Variants in CCDC18 observed in about 807,000 individuals in gnomAD.
CCDC18 encodes coiled-coil domain containing 18, also known as coiled-coil domain-containing protein 18.
In CCDC18, 157 loss-of-function variants were observed where a neutral mutation model predicts 196.0. The observed-to-expected ratio is 0.80, with a 90% CI of 0.70 to 0.91. The LOEUF (loss-of-function observed/expected upper bound fraction) is 0.91. Ranked by LOEUF, CCDC18 falls within the 40% of genes least tolerant of loss-of-function variation. CCDC18 has a pLI of 0.00. For missense variants in CCDC18, 1,465 were observed against 1,611.6 expected (o/e 0.91, Z 1.56); for synonymous variants, 482 against 529.2 (o/e 0.91, Z 1.22).
At chr1:93,202,961 G>T (rs760561963) in intron 7 of CCDC18, among the ~76,000 whole-genome samples, 1 of 152,218 alleles carries the variant, frequency 6.6e-6, no homozygotes, top group Non-Finnish European at 1.5e-5. Flanking sequence ...TGCTTGAGCT[G>T]CTAGGCTATC....
At chr1:93,250,730 CTT>C (rs1662124473) in intron 23 of CCDC18, among the ~76,000 whole-genome samples, 1 of 152,140 alleles carries the variant, frequency 6.6e-6, no homozygotes, top group South Asian at 2.1e-4. Context: ...TTCTTTGTCT[CTT>C]TCTACTGTCT....
chr1:93,233,397 CTTA>C (rs933132243), intron 18 of CCDC18, among the ~76,000 whole-genome samples: 1 of 152,032 alleles, frequency 6.6e-6, no homozygotes, highest in Admixed American at 6.6e-5. Context: ...ATTTTACATT[CTTA>C]TTTTGTTTTT....
intron 18 of CCDC18, among the ~76,000 whole-genome samples, chr1:93,232,936 A>C (rs1268278341): frequency 6.6e-6 from 1 of 151,904 alleles, no homozygotes; most frequent in African/African-American, 2.4e-5. Flanking sequence ...GTGCCCTTGC[A>C]CTCCAGCCTG....
chr1:93,192,458 G>A (rs1206395792), intron 5 of CCDC18, among the ~76,000 whole-genome samples: 1 of 152,120 alleles, frequency 6.6e-6, no homozygotes, highest in Non-Finnish European at 1.5e-5. Context: ...TTACAGAAAG[G>A]GTCTCACTGC....
chr1:93,237,027 T>C (rs1402297266), intron 19 of CCDC18, among the ~76,000 whole-genome samples: 2 of 152,178 alleles, frequency 1.3e-5, no homozygotes, highest in Non-Finnish European at 2.9e-5. Flanking sequence ...AGAATTGACA[T>C]AATTTATAAC....
intron 11 of CCDC18, among the ~76,000 whole-genome samples, chr1:93,213,089 A>C (rs1655923141): frequency 6.6e-6 from 1 of 152,116 alleles, no homozygotes. Flanking sequence ...ATCTGACAGG[A>C]GGTAGAGCTC....
intron 19 of CCDC18, among the ~76,000 whole-genome samples, chr1:93,237,984 G>A (rs970931892): frequency 6.6e-6 from 1 of 151,974 alleles, no homozygotes. Context: ...GGGTATCTCA[G>A]GGTTATCATT....
Position 93,245,822 on chromosome 1 carries a change from A to G in CCDC18, c.2982-283A>G, listed in dbSNP as rs77624874. On this transcript the variant is annotated intron_variant, in intron 21 of 28. Coordinates refer to ENST00000690025, the MANE Select transcript of CCDC18 (RefSeq NM_001378204.1). Reference sequence around the variant, plus strand: ...TTTTAAAAATTCTTATAATCATTCAATCTTGGAGTCCTGGGAGTGTTTTAG... The same window carrying G: ...TTTTAAAAATTCTTATAATCATTCAGTCTTGGAGTCCTGGGAGTGTTTTAG... 0.053 allele frequency among the ~76,000 whole-genome samples: 7,991 copies of G among 152,172 alleles called. 292 individuals carry two copies. Among genetic ancestry groups the G allele is most frequent in the South Asian group, 0.092 (442 of 4,828 alleles).
rs1665135497 is a variant in CCDC18, at chr1:93,270,458, C to G, written c.3997C>G (p.Gln1333Glu). 6.4e-7 allele frequency: 1 copy of G among 1,550,398 alleles called. No individual in the cohort carries two copies. Among genetic ancestry groups the G allele is most frequent in the Non-Finnish European group, 8.7e-7 (1 of 1,146,874 alleles). ...TCCAACAGAAATTATGCCTGATGTT[C>G]AAGATCCAAAATTTGCTAAATGTTT... ...TSPTEIMPDV[Q>E]DPKFAKCFHT... The change falls in exon 28 of 29, where the codon CAA becomes GAA. Residue 1333 changes from glutamine (Q) to glutamate (E), a missense_variant. Coordinates refer to ENST00000690025, the MANE Select transcript of CCDC18 (RefSeq NM_001378204.1).
In CCDC18 at chr1:93,253,270, G is replaced by C. The variant is rs1179754166; in HGVS notation, c.3199-1201G>C. Among the ~76,000 whole-genome samples the C allele has an allele frequency of 2.6e-5, 4 of 152,198 alleles. No homozygotes were observed. In the East Asian group the frequency reaches 5.8e-4, roughly 22 times the overall value. ...CTGGAGAACCTATCTTGTTGGCCCA[G>C]ACAGGGCCAGCAGGTCTCAGCTCAG... On this transcript the variant is annotated intron_variant, in intron 23 of 28. Coordinates refer to ENST00000690025, the MANE Select transcript of CCDC18 (RefSeq NM_001378204.1).
intron 10 of CCDC18, among the ~76,000 whole-genome samples, chr1:93,211,330 C>T (rs1392206392): frequency 6.6e-6 from 1 of 150,756 alleles, no homozygotes; most frequent in Non-Finnish European, 1.5e-5. Context: ...TACAGAAAAG[C>T]TCAGAGAATA....
chr1:93,218,637 G>A (rs1479386590), intron 14 of CCDC18, among the ~76,000 whole-genome samples: 1 of 152,012 alleles, frequency 6.6e-6, no homozygotes, highest in East Asian at 1.9e-4. Context: ...AGCCTCCTGA[G>A]TAGCTGGGAT....
intron 3 of CCDC18, among the ~76,000 whole-genome samples, chr1:93,185,233 T>C (rs1650435059): frequency 6.6e-6 from 1 of 151,940 alleles, no homozygotes; most frequent in Non-Finnish European, 1.5e-5. Context: ...GGTGTTATTT[T>C]ATTGGTGATA....
At chr1:93,234,190 T>A (rs1285496309) in intron 18 of CCDC18, among the ~76,000 whole-genome samples, 1 of 152,078 alleles carries the variant, frequency 6.6e-6, no homozygotes, top group African/African-American at 2.4e-5. Flanking sequence ...TGAGACGTAG[T>A]CTCACTGTGT....
intron 9 of CCDC18, among the ~76,000 whole-genome samples, chr1:93,209,943 C>A (rs1655326836): frequency 6.6e-6 from 1 of 152,084 alleles, no homozygotes; most frequent in South Asian, 2.1e-4. Context: ...TGCCTGTGGT[C>A]CTAGCTACTC....
rs1650969636 is a variant in CCDC18 at position 93,187,749 on chromosome 1, C to T, written c.462+1246C>T. ...TGTTTGAGATTATTTCTAGGGTAGA[C>T]TTACAGAGGCAGAATGACCAAATTT... On this transcript the variant is annotated intron_variant, in intron 4 of 28. Transcript: ENST00000690025. Among the ~76,000 whole-genome samples the T allele has an allele frequency of 2.6e-5, 4 of 152,220 alleles. No individual in the cohort carries two copies. The South Asian group carries it at 8.3e-4, about 32-fold the overall frequency.
chr1:93,252,884 G>C (rs1035612299), intron 23 of CCDC18, among the ~76,000 whole-genome samples: 5 of 152,212 alleles, frequency 3.3e-5, no homozygotes, highest in Non-Finnish European at 7.3e-5. Context: ...TCTTACAAGG[G>C]CTTCAAGGTT....
chr1:93,228,970 T>C (rs1056226379), intron 17 of CCDC18, among the ~76,000 whole-genome samples: 1 of 152,194 alleles, frequency 6.6e-6, no homozygotes, highest in Non-Finnish European at 1.5e-5. Flanking sequence ...TCACCCAGGC[T>C]GGAGTGCAGT....
chr1:93,250,310 G>A (rs981814867), intron 23 of CCDC18, among the ~76,000 whole-genome samples: 10 of 150,014 alleles, frequency 6.7e-5, no homozygotes, highest in Admixed American at 1.3e-4. Context: ...GAACCCAGGA[G>A]GTCGAGGCTG....
Sources: gnomAD v4.1 joint callset for allele counts (sites outside exome capture counted in the v4.1 genomes callset) on GRCh38, gnomAD v4.1.1 for gene constraint, MANE v1.5 for transcripts, NCBI Gene and HGNC (gene_info 2026-07-23, HGNC 2026-07-21) for gene names.